The following APPL2 variants were observed in gnomAD, a reference collection of about 807,000 sequenced individuals.
APPL2 encodes DCC-interacting protein 13-beta.
A neutral mutation model predicts 92.7 loss-of-function variants in APPL2; 84 were observed. That is an observed-to-expected ratio of 0.91 (90% CI 0.76 to 1.09). The LOEUF (loss-of-function observed/expected upper bound fraction) is 1.09. Ranked by LOEUF, APPL2 falls within the 50% of genes least tolerant of loss-of-function variation. The pLI is 0.00. For missense variants in APPL2, 736 were observed against 824.5 expected (o/e 0.89, Z 1.31); for synonymous variants, 291 against 291.0 (o/e 1.00, Z 0.00).
intron 4 of APPL2, among the ~76,000 whole-genome samples, chr12:105,211,610 C>T (rs1229625750): frequency 2.0e-5 from 3 of 152,246 alleles, no homozygotes; most frequent in Non-Finnish European, 4.4e-5. Flanking sequence ...TGTTCCCACT[C>T]TGGGCCCCAC....
At chr12:105,217,532 G>A in intron 3 of APPL2, 134 bp downstream of exon 3, 2 of 804,666 alleles carry the variant, frequency 2.5e-6, no homozygotes, top group South Asian at 1.8e-5. Flanking sequence ...ATCAGTGGAA[G>A]GGAAAAGACA....
Position 105,209,675 on chromosome 12 carries a change from A to G in APPL2, c.374-1476T>C, listed in dbSNP as rs546964156. Among the ~76,000 whole-genome samples the G allele has an allele frequency of 3.3e-5, 5 of 152,338 alleles. 1 individual carries two copies. Among genetic ancestry groups the G allele is most frequent in the Admixed American group, 3.3e-4 (5 of 15,306 alleles). On this transcript the variant is annotated intron_variant, in intron 5 of 20. Transcript: ENST00000258530. ...AACCCTTCAAAAAAATGCACCCACT[A>G]AGGCATTCAGTGAGGACACAATCAT...
At chr12:105,221,538 C>T (rs1566094359) in intron 2 of APPL2, among the ~76,000 whole-genome samples, 1 of 152,190 alleles carries the variant, frequency 6.6e-6, no homozygotes, top group East Asian at 1.9e-4. Context: ...ATTGCACCTA[C>T]TCAATACTCA....
At chr12:105,185,911 T>TC (rs1241194935) in intron 17 of APPL2, among the ~76,000 whole-genome samples, 1 of 152,092 alleles carries the variant, frequency 6.6e-6, no homozygotes, top group Admixed American at 6.5e-5. Context: ...CAGAGGAAAC[T>TC]CCATCCCCAT....
intron 17 of APPL2, among the ~76,000 whole-genome samples, chr12:105,183,070 C>CTTTTTTTTTTTTTTTT (rs56345779): frequency 4.5e-5 from 4 of 88,406 alleles, no homozygotes; most frequent in Non-Finnish European, 6.2e-5. Context: ...GCAACCCCTG[C>CTTTTTTTTTTTTTTTT]TTTTTTTTTT....
intron 4 of APPL2, among the ~76,000 whole-genome samples, chr12:105,211,835 T>A (rs1363450303): frequency 6.6e-6 from 1 of 152,114 alleles, no homozygotes; most frequent in African/African-American, 2.4e-5. Context: ...GAATACTCCC[T>A]AACGGCTAGG....
chr12:105,188,373 C>T lies in APPL2; in HGVS notation c.1534G>A (p.Val512Met), dbSNP rs764265959. 6.2e-7 allele frequency: 1 copy of T among 1,614,224 alleles called. No individual in the cohort carries two copies. The change falls in exon 17 of 21, where the codon GTG becomes ATG. Residue 512 changes from valine to methionine, a missense_variant. By Grantham distance (21) the Val-to-Met change is conservative. Transcript: ENST00000258530. ...ACTTGTCTCATCGCTTCATAAATCA[C>T]TTCAGTAGTGCTGTCTGTTTTAACT... ...MAVKTDSTTE[V>M]IYEAMRQVLA... is the part of the protein sequence containing the mutation.
At position 105,225,867 on chromosome 12, in the gene APPL2, A is replaced by C. The variant is rs2136078959; in HGVS notation, c.153+3258T>G. ...CCTCTTTCTAAAACTAAGGTCTCTG[A>C]AGGGCATTCGCAATATCAGCATCCA... On this transcript the variant is annotated intron_variant, in intron 2 of 20. Transcript: ENST00000258530. Among the ~76,000 whole-genome samples the C allele has an allele frequency of 1.3e-5, 2 of 152,380 alleles. 1 individual carries two copies. The highest frequency in any genetic ancestry group is 4.1e-4 in the South Asian group (2 of 4,832).
At chr12:105,201,837 C>G (rs1481103777) in intron 9 of APPL2, among the ~76,000 whole-genome samples, 1 of 152,166 alleles carries the variant, frequency 6.6e-6, no homozygotes, top group African/African-American at 2.4e-5. Context: ...TGCAGGGTGG[C>G]TGGAAACCAT....
chr12:105,235,737 CCG>C (rs1891186159), intron 1 of APPL2, among the ~76,000 whole-genome samples: 1 of 152,142 alleles, frequency 6.6e-6, no homozygotes. Context: ...AAGACTCCGG[CCG>C]CGGGGCTCTC....
chr12:105,182,146 C>A, intron 17 of APPL2, among the ~76,000 whole-genome samples: 1 of 152,164 alleles, frequency 6.6e-6, no homozygotes, highest in Non-Finnish European at 1.5e-5. Context: ...CTGCTCCAGC[C>A]TCTCCAGTAG....
At chr12:105,186,667 T>TATATATGATATCAATATCATTATATC (rs1886709583) in intron 17 of APPL2, among the ~76,000 whole-genome samples, 1 of 33,124 alleles carries the variant, frequency 3.0e-5, no homozygotes, top group African/African-American at 6.6e-5. Flanking sequence ...ATATATATCA[T>TATATATGATATCAATATCATTATATC]ATATATGATA....
At chr12:105,174,756 G>T (rs960692308) in intron 20 of APPL2, among the ~76,000 whole-genome samples, 1 of 151,738 alleles carries the variant, frequency 6.6e-6, no homozygotes, top group Non-Finnish European at 1.5e-5. Flanking sequence ...CTTTTCTCAC[G>T]TTTAATCTAT....
Position 105,174,154 on chromosome 12 carries a change from T to C in APPL2, c.*160A>G. The stretch of plus-strand genomic sequence containing the variant: ...GGGAACGCTGTCAACCATTTCTTAG[T>C]TTCCCTCCCAAGTCTCAGTATCAAG... On this transcript the variant is annotated 3_prime_UTR_variant, in exon 21 of 21. Coordinates refer to ENST00000258530, the MANE Select transcript of APPL2 (RefSeq NM_018171.5). The C allele has an allele frequency of 1.2e-6, 1 of 832,228 alleles. No homozygotes were observed. The highest frequency in any genetic ancestry group is 1.8e-6 in the Non-Finnish European group (1 of 566,298). The allele number at this position is 832,228 out of a possible 1,614,324, so 51.6% of individuals were successfully genotyped here. A position where few individuals can be genotyped will look rare whatever the true frequency, so the allele number is the denominator to read the frequency against.
At chr12:105,216,494 T>C (rs1203751622) in intron 4 of APPL2, among the ~76,000 whole-genome samples, 1 of 151,186 alleles carries the variant, frequency 6.6e-6, no homozygotes, top group Non-Finnish European at 1.5e-5. Flanking sequence ...GATCCTGAAA[T>C]GAGATCATCC....
intron 1 of APPL2, among the ~76,000 whole-genome samples, chr12:105,232,596 C>T (rs1891003642): frequency 6.6e-6 from 1 of 151,988 alleles, no homozygotes; most frequent in African/African-American, 2.4e-5. Flanking sequence ...AAGACTCTGT[C>T]TCTACAAAAA....
At chr12:105,211,863 G>A (rs796628764) in intron 4 of APPL2, among the ~76,000 whole-genome samples, 18 of 152,342 alleles carry the variant, frequency 1.2e-4, no homozygotes, top group African/African-American at 4.1e-4. Context: ...GCTCACGCCT[G>A]TAATCCCAGC....
chr12:105,212,776 C>T (rs745973342), intron 4 of APPL2, among the ~76,000 whole-genome samples: 3 of 152,230 alleles, frequency 2.0e-5, no homozygotes, highest in Non-Finnish European at 2.9e-5. Context: ...ACCTTCTGCA[C>T]ACGCATCTCC....
chr12:105,232,555 A>C (rs974453491), intron 1 of APPL2, among the ~76,000 whole-genome samples: 2 of 152,184 alleles, frequency 1.3e-5, no homozygotes, highest in African/African-American at 2.4e-5. Flanking sequence ...GGTTGAGCCC[A>C]GGAGTTCAAG....
Sources: allele counts gnomAD v4.1 joint callset (sites outside exome capture counted in the v4.1 genomes callset), GRCh38; gene constraint gnomAD v4.1.1; transcripts MANE v1.5; gene names NCBI Gene and HGNC (gene_info 2026-07-23, HGNC 2026-07-21).